AFG2A: variants seen among roughly 807,000 people sequenced by gnomAD.
AFG2A encodes AAA ATPase AFG2A.
At chr4:122,978,645 A>C in the AFG2A span, among the ~76,000 whole-genome samples, 2 of 152,018 alleles carry the variant, frequency 1.3e-5, no homozygotes, top group African/African-American at 2.4e-5. Flanking sequence ...GCCATCAATC[A>C]TGTCGTCCAT....
chr4:122,993,095 C>T, the AFG2A span, among the ~76,000 whole-genome samples: 1 of 151,940 alleles, frequency 6.6e-6, no homozygotes, highest in East Asian at 1.9e-4. Flanking sequence ...AAGTGATTCT[C>T]CTGCCTCAGC....
At chr4:122,959,334 T>G in the AFG2A span, among the ~76,000 whole-genome samples, 4 of 152,236 alleles carry the variant, frequency 2.6e-5, no homozygotes, top group South Asian at 8.3e-4. Context: ...AATGAATGTC[T>G]TAAGTTTTTC....
the AFG2A span, among the ~76,000 whole-genome samples, chr4:122,943,334 A>G: frequency 2.0e-5 from 3 of 152,282 alleles, 1 homozygote; most frequent in South Asian, 4.1e-4. Context: ...TTGGGTGCAT[A>G]TATATTTAGG....
chr4:123,115,314 A>C, the AFG2A span, among the ~76,000 whole-genome samples: 1 of 151,950 alleles, frequency 6.6e-6, no homozygotes, highest in East Asian at 2.0e-4. Flanking sequence ...AGTCACTCCG[A>C]CGTGGGGTGG....
At chr4:122,952,938 C>T in the AFG2A span, among the ~76,000 whole-genome samples, 1 of 152,154 alleles carries the variant, frequency 6.6e-6, no homozygotes, top group Non-Finnish European at 1.5e-5. Context: ...GGGGGGACTG[C>T]CTTACTTAAT....
the AFG2A span, among the ~76,000 whole-genome samples, chr4:123,170,522 C>A: frequency 6.6e-6 from 1 of 152,098 alleles, no homozygotes; most frequent in African/African-American, 2.4e-5. Flanking sequence ...CTGTAACTGA[C>A]AGTATGATCC....
At chr4:123,310,576 G>T in the AFG2A span, among the ~76,000 whole-genome samples, 11 of 151,838 alleles carry the variant, frequency 7.2e-5, no homozygotes, top group African/African-American at 2.7e-4. Context: ...TAATACCATG[G>T]TACACACGGC....
At chr4:123,262,514 G>C in the AFG2A span, among the ~76,000 whole-genome samples, 1 of 152,198 alleles carries the variant, frequency 6.6e-6, no homozygotes, top group Non-Finnish European at 1.5e-5. Flanking sequence ...AACGTTCTTT[G>C]AAACTTTCAT....
chr4:123,044,328 T>G, the AFG2A span, among the ~76,000 whole-genome samples: 1 of 152,126 alleles, frequency 6.6e-6, no homozygotes, highest in Admixed American at 6.6e-5. Flanking sequence ...CAAGATGAGT[T>G]TTTTCCTTGC....
At chr4:123,062,557 T>C in the AFG2A span, among the ~76,000 whole-genome samples, 2 of 140,606 alleles carry the variant, frequency 1.4e-5, no homozygotes, top group Non-Finnish European at 2.9e-5. Flanking sequence ...ATGTAAGATA[T>C]ATATAGCAAT....
At chr4:123,057,361 A>G in the AFG2A span, 31 of 1,469,440 alleles carry the variant, frequency 2.1e-5, no homozygotes, top group Non-Finnish European at 2.8e-5. Flanking sequence ...TATGGTATAA[A>G]TAGCATTTTG....
chr4:122,926,776 G>T, the AFG2A span, among the ~76,000 whole-genome samples: 252 of 152,234 alleles, frequency 1.7e-3, 2 homozygotes, highest in Non-Finnish European at 1.7e-3. Flanking sequence ...GAAAACCATT[G>T]TATACTTATT....
chr4:122,942,569 C>T, the AFG2A span, among the ~76,000 whole-genome samples: 6 of 152,170 alleles, frequency 3.9e-5, no homozygotes, highest in African/African-American at 1.4e-4. Context: ...TTTTGTTCAT[C>T]CTTCCAAAAA....
the AFG2A span, chr4:122,935,674 T>G: frequency 2.1e-5 from 31 of 1,511,946 alleles, no homozygotes; most frequent in Non-Finnish European, 2.7e-5. Flanking sequence ...ATAAGAAACC[T>G]AGTAATGGTG....
the AFG2A span, among the ~76,000 whole-genome samples, chr4:123,030,214 G>A: frequency 3.0e-4 from 46 of 152,136 alleles, no homozygotes; most frequent in South Asian, 2.3e-3. Context: ...ATAAGTTTTC[G>A]ACTTAACTCT....
chr4:123,219,198 A>G, the AFG2A span, among the ~76,000 whole-genome samples: 2 of 152,222 alleles, frequency 1.3e-5, no homozygotes, highest in Admixed American at 6.5e-5. Context: ...ACAATTCCAC[A>G]GTCCAAAGGC....
chr4:122,950,340 A>ATTT, the AFG2A span, among the ~76,000 whole-genome samples: 4 of 142,826 alleles, frequency 2.8e-5, no homozygotes, highest in African/African-American at 5.2e-5. Context: ...GTCATTGTTA[A>ATTT]TTTTTTTTTT....
chr4:123,116,071 T>G, the AFG2A span, among the ~76,000 whole-genome samples: 1 of 151,996 alleles, frequency 6.6e-6, no homozygotes, highest in Admixed American at 6.6e-5. Context: ...AGCTAATATT[T>G]AAATTTTTAT....
the AFG2A span, among the ~76,000 whole-genome samples, chr4:123,229,972 A>G: frequency 6.6e-6 from 1 of 151,792 alleles, no homozygotes; most frequent in Non-Finnish European, 1.5e-5. Context: ...AATTTTTTTT[A>G]TTGTTTCAGA....
Sources: gnomAD v4.1 joint callset for allele counts (sites outside exome capture counted in the v4.1 genomes callset) on GRCh38, gnomAD v4.1.1 for gene constraint, MANE v1.5 for transcripts, NCBI Gene and HGNC (gene_info 2026-07-23, HGNC 2026-07-21) for gene names.